The following USH2A variants were observed in gnomAD, a reference collection of about 807,000 sequenced individuals.
USH2A encodes the protein Usher syndrome 2A (autosomal recessive, mild).
USH2A carries 443 observed loss-of-function variants against 538.9 expected under a neutral mutation model. The observed-to-expected ratio is 0.82, with a 90% CI of 0.76 to 0.89. USH2A has a LOEUF of 0.89. USH2A is among the 40% of genes least tolerant of loss of function. The pLI is 0.00. For synonymous variants in USH2A, 2,413 were observed against 2,273.5 expected, an observed-to-expected ratio of 1.06 and a Z score of -1.75; for missense variants, 6,633 against 6,324.8, an observed-to-expected ratio of 1.05 and a Z score of -1.65.
At chr1:215,737,068 T>G (rs544812581) in intron 60 of USH2A, among the ~76,000 whole-genome samples, 2 of 152,074 alleles carry the variant, frequency 1.3e-5, no homozygotes, top group East Asian at 3.9e-4. Flanking sequence ...CTTGCCATCA[T>G]CAGGGTACTG....
chr1:216,105,816 T>A (rs1463955769), intron 21 of USH2A, among the ~76,000 whole-genome samples: 1 of 151,990 alleles, frequency 6.6e-6, no homozygotes, highest in Non-Finnish European at 1.5e-5. Flanking sequence ...GCTATACAAA[T>A]ATTTTCATTT....
At chr1:216,152,459 C>A (rs2033857135) in intron 21 of USH2A, among the ~76,000 whole-genome samples, 1 of 151,508 alleles carries the variant, frequency 6.6e-6, no homozygotes, top group African/African-American at 2.4e-5. Context: ...CTTGCGACCC[C>A]CACTCCTGCC....
In USH2A at chr1:216,093,531, GA is replaced by G. The variant is rs201807796; in HGVS notation, c.4758+3551del. On this transcript the variant is annotated intron_variant, in intron 22 of 71. Transcript: ENST00000307340. Reference sequence around the variant, plus strand: ...ATGAAAACAACTAGACCTGCCAGATGAGTTTCCTGGCAGCCATTCTCCGTTA... The same window carrying G: ...ATGAAAACAACTAGACCTGCCAGATGGTTTCCTGGCAGCCATTCTCCGTTA... Among the ~76,000 whole-genome samples the G allele has an allele frequency of 2.1e-3, 324 of 152,284 alleles. 4 individuals are homozygous for G. Among genetic ancestry groups the G allele is most frequent in the African/African-American group, 7.3e-3 (303 of 41,566 alleles).
chr1:215,630,159 A>G (rs767542812), intron 70 of USH2A: 9 of 512,328 alleles, frequency 1.8e-5, no homozygotes, highest in Non-Finnish European at 3.5e-5. Flanking sequence ...CATGCAAAAG[A>G]TCATGCATTC....
At position 215,623,249 on chromosome 1, in the gene USH2A, A is replaced by C. The variant is rs1233286229; in HGVS notation, c.*2532T>G. On this transcript the variant is annotated 3_prime_UTR_variant, in exon 72 of 72. Coordinates refer to ENST00000307340, the MANE Select transcript of USH2A (RefSeq NM_206933.4). The stretch of plus-strand genomic sequence containing the variant: ...GAATGTGGCATGTACAATTGGTAAA[A>C]TGTGAGTCAGGAGATTTAAATTTAA... The C allele has an allele frequency of 6.6e-6, 1 of 152,108 alleles. No individual in the cohort carries two copies. The highest frequency in any genetic ancestry group is 1.5e-5 in the Non-Finnish European group (1 of 68,014). The allele number at this position is 152,108 out of a possible 1,614,324, so 9.4% of individuals were successfully genotyped here.
At chr1:216,041,930 C>T (rs1169513283) in intron 32 of USH2A, among the ~76,000 whole-genome samples, 6 of 151,644 alleles carry the variant, frequency 4.0e-5, no homozygotes, top group African/African-American at 1.5e-4. Flanking sequence ...CAAACTATAC[C>T]AAACATTCTG....
chr1:216,006,385 T>C (rs1051982269), intron 32 of USH2A, among the ~76,000 whole-genome samples: 1 of 152,164 alleles, frequency 6.6e-6, no homozygotes, highest in Admixed American at 6.5e-5. Context: ...TTCATTTCCC[T>C]CATCAATGAA....
chr1:216,418,031 T>C (rs1042462129), intron 3 of USH2A, among the ~76,000 whole-genome samples: 3 of 152,102 alleles, frequency 2.0e-5, no homozygotes, highest in East Asian at 1.9e-4. Flanking sequence ...ATAACACCTT[T>C]TGAGTGCCTC....
intron 21 of USH2A, among the ~76,000 whole-genome samples, chr1:216,113,137 T>TAAAAATAA (rs2032915693): frequency 7.8e-6 from 1 of 127,582 alleles, no homozygotes; most frequent in African/African-American, 2.9e-5. Flanking sequence ...CTCCAAATGA[T>TAAAAATAA]AAAAAAAAAA....
chr1:216,034,184 A>C (rs1669192057), intron 32 of USH2A, among the ~76,000 whole-genome samples: 1 of 152,200 alleles, frequency 6.6e-6, no homozygotes, highest in Non-Finnish European at 1.5e-5. Context: ...TGCGTGGAAG[A>C]AAATGAGGAA....
At chr1:216,036,406 T>A (rs2029971000) in intron 32 of USH2A, among the ~76,000 whole-genome samples, 2 of 152,188 alleles carry the variant, frequency 1.3e-5, no homozygotes, top group African/African-American at 4.8e-5. Flanking sequence ...TTGGTATATG[T>A]CCATATGGGG....
chr1:215,961,728 C>G (rs1230945699), intron 37 of USH2A, among the ~76,000 whole-genome samples: 1 of 151,838 alleles, frequency 6.6e-6, no homozygotes, highest in Non-Finnish European at 1.5e-5. Context: ...TTTAGGAGCT[C>G]TTGGAGATGA....
intron 32 of USH2A, among the ~76,000 whole-genome samples, chr1:216,011,575 A>T (rs11120716): frequency 0.9 from 136,348 of 151,756 alleles, 61,433 homozygotes; most frequent in African/African-American, 0.97. Flanking sequence ...AGCCAGGACC[A>T]CACCCTGTAG....
At chr1:215,771,312 G>A (rs1226027270) in intron 55 of USH2A, among the ~76,000 whole-genome samples, 1 of 151,864 alleles carries the variant, frequency 6.6e-6, no homozygotes, top group Non-Finnish European at 1.5e-5. Flanking sequence ...CGGGCGCAGT[G>A]GCTCACGCCT....
chr1:216,009,545 C>T (rs957922646), intron 32 of USH2A, among the ~76,000 whole-genome samples: 1 of 152,130 alleles, frequency 6.6e-6, no homozygotes, highest in South Asian at 2.1e-4. Flanking sequence ...AGTCTCTGTG[C>T]CCAGTGCAAC....
At chr1:216,198,888 G>A (rs2034918496) in intron 17 of USH2A, among the ~76,000 whole-genome samples, 1 of 152,068 alleles carries the variant, frequency 6.6e-6, no homozygotes, top group Non-Finnish European at 1.5e-5. Flanking sequence ...CTTTATCATA[G>A]GTAAATTCAA....
At chr1:216,111,356 A>G (rs2032864248) in intron 21 of USH2A, among the ~76,000 whole-genome samples, 1 of 152,206 alleles carries the variant, frequency 6.6e-6, no homozygotes, top group Admixed American at 6.5e-5. Flanking sequence ...AAGGTGTCAG[A>G]ATCTGCTGCT....
At chr1:216,151,778 T>C (rs1283182467) in intron 21 of USH2A, among the ~76,000 whole-genome samples, 3 of 152,140 alleles carry the variant, frequency 2.0e-5, no homozygotes, top group Non-Finnish European at 2.9e-5. Context: ...ATAAAAAAAC[T>C]CAAGGATAGA....
chr1:215,816,901 T>C (rs1662872761), intron 48 of USH2A, 96 bp downstream of exon 48: 3 of 1,309,224 alleles, frequency 2.3e-6, no homozygotes, highest in East Asian at 4.7e-5. Flanking sequence ...AGTGGAAATA[T>C]TGATCATAAT....
Sources: gnomAD v4.1 joint callset for allele counts (sites outside exome capture counted in the v4.1 genomes callset) on GRCh38, gnomAD v4.1.1 for gene constraint, MANE v1.5 for transcripts, NCBI Gene and HGNC (gene_info 2026-07-23, HGNC 2026-07-21) for gene names.